Variants in SLCO1A2 observed in about 807,000 individuals in gnomAD.
SLCO1A2 encodes the protein solute carrier organic anion transporter family member 1A2.
SLCO1A2 carries 67 observed loss-of-function variants against 69.0 expected under a neutral mutation model. That is an observed-to-expected ratio of 0.97 (90% confidence interval 0.80 to 1.19). The LOEUF is 1.19. SLCO1A2 is among the 50% of genes most tolerant of loss of function. The probability of loss-of-function intolerance (pLI) is 0.00; values close to 1 mark genes in which losing one functional copy is unlikely to be tolerated. For missense variants in SLCO1A2, 787 were observed against 793.7 expected (o/e 0.99, Z 0.10); for synonymous variants, 260 against 265.9 (o/e 0.98, Z 0.22).
chr12:21,269,886 A>G (rs1023687624), intron 14 of SLCO1A2, 119 bp from the exon 15 acceptor site: 1 of 605,160 alleles, frequency 1.7e-6, no homozygotes, highest in African/African-American at 1.9e-5. Context: ...TTGCATGCTG[A>G]TCTTATATAA....
rs1942057903 is a variant in SLCO1A2 at position 21,266,283 on chromosome 12, A to G, written c.*3265T>C. 6.6e-6 allele frequency: 1 copy of G among 152,048 alleles called. No individual in the cohort carries two copies. The highest frequency in any genetic ancestry group is 1.5e-5 in the Non-Finnish European group (1 of 67,996). The allele number at this position is 152,048 out of a possible 1,614,324, so 9.4% of individuals were successfully genotyped here. ...TTAGTACAGACATAAGAGAATTTCC[A>G]CGGAAAATCCCACTTCAGACTCTAC... On this transcript the variant is annotated 3_prime_UTR_variant, in exon 15 of 15. Coordinates refer to ENST00000683939, the MANE Select transcript of SLCO1A2 (RefSeq NM_001386879.1).
At chr12:21,410,621 G>A (rs1023804834) in intron 1 of SLCO1A2, among the ~76,000 whole-genome samples, 2 of 152,150 alleles carry the variant, frequency 1.3e-5, no homozygotes, top group African/African-American at 2.4e-5. Context: ...GAATAGACTT[G>A]CCTGTGAAAT....
At chr12:21,302,724 T>C (rs950230956) in intron 6 of SLCO1A2, among the ~76,000 whole-genome samples, 2 of 152,050 alleles carry the variant, frequency 1.3e-5, no homozygotes, top group African/African-American at 4.8e-5. Flanking sequence ...ACCTGGCCAA[T>C]TTTTGTACTT....
At chr12:21,353,304 T>A (rs1279861626) in intron 2 of SLCO1A2, among the ~76,000 whole-genome samples, 1 of 151,992 alleles carries the variant, frequency 6.6e-6, no homozygotes, top group Admixed American at 6.6e-5. Context: ...AAAATGTTCC[T>A]AAATATGGAG....
At chr12:21,292,140 T>A in intron 12 of SLCO1A2, 24 bp downstream of exon 12, 1 of 1,498,164 alleles carries the variant, frequency 6.7e-7, no homozygotes, top group Non-Finnish European at 8.9e-7. Context: ...CAAAAAAATA[T>A]AAATAAAGAA....
intron 13 of SLCO1A2, 21 bp downstream of exon 13, chr12:21,275,339 G>A: frequency 3.9e-6 from 6 of 1,533,946 alleles, no homozygotes; most frequent in Non-Finnish European, 5.3e-6. Flanking sequence ...ATAGGATGTG[G>A]GAAAAAATAA....
chr12:21,284,818 G>C (rs1257315501), intron 12 of SLCO1A2, among the ~76,000 whole-genome samples: 14 of 82,786 alleles, frequency 1.7e-4, no homozygotes, highest in Admixed American at 1.3e-3. Context: ...CGAGAACAAA[G>C]ACACAACATA....
At chr12:21,273,295 TGA>T (rs58923303) in intron 14 of SLCO1A2, among the ~76,000 whole-genome samples, 7,191 of 144,576 alleles carry the variant, frequency 0.05, 558 homozygotes, top group African/African-American at 0.16. Context: ...CCTCTGTCCT[TGA>T]GAGAGACACT....
intron 1 of SLCO1A2, among the ~76,000 whole-genome samples, chr12:21,394,523 CAGAG>C (rs945904824): frequency 2.0e-5 from 3 of 147,548 alleles, no homozygotes; most frequent in South Asian, 2.1e-4. Context: ...GCCTGGGTGA[CAGAG>C]AGAGACACTG....
chr12:21,327,478 ACCATC>A (rs1952324674), intron 2 of SLCO1A2, among the ~76,000 whole-genome samples: 1 of 152,020 alleles, frequency 6.6e-6, no homozygotes, highest in Non-Finnish European at 1.5e-5. Flanking sequence ...AACACTCAAC[ACCATC>A]CCATGAAAGC....
chr12:21,341,263 G>C (rs897663547), intron 2 of SLCO1A2, among the ~76,000 whole-genome samples: 2 of 151,860 alleles, frequency 1.3e-5, no homozygotes, highest in Non-Finnish European at 2.9e-5. Context: ...AACACTGGAG[G>C]ACCTAAACCA....
chr12:21,385,643 G>A (rs1415843837), intron 1 of SLCO1A2, among the ~76,000 whole-genome samples: 3 of 152,174 alleles, frequency 2.0e-5, no homozygotes, highest in African/African-American at 7.2e-5. Flanking sequence ...CTCTGGTTGG[G>A]CTTTGAGACC....
At chr12:21,375,509 T>C (rs1565522014) in intron 1 of SLCO1A2, among the ~76,000 whole-genome samples, 2 of 152,230 alleles carry the variant, frequency 1.3e-5, no homozygotes, top group African/African-American at 2.4e-5. Context: ...TTTTTCAATT[T>C]GTAAATGTAT....
intron 12 of SLCO1A2, among the ~76,000 whole-genome samples, chr12:21,291,378 TG>T (rs1946818317): frequency 6.6e-6 from 1 of 152,132 alleles, no homozygotes; most frequent in Non-Finnish European, 1.5e-5. Flanking sequence ...CTATGGTGAC[TG>T]GAAGTAGGGA....
chr12:21,274,810 G>A (rs1211199391), intron 13 of SLCO1A2: 25 of 702,764 alleles, frequency 3.6e-5, no homozygotes, highest in Non-Finnish European at 5.1e-5. Context: ...TATTAGTAGA[G>A]TAAAACATTG....
At chr12:21,317,650 G>A (rs566789834) in intron 3 of SLCO1A2, among the ~76,000 whole-genome samples, 1 of 152,314 alleles carries the variant, frequency 6.6e-6, no homozygotes, top group African/African-American at 2.4e-5. Flanking sequence ...TCAGCACACA[G>A]GTGATACAGG....
chr12:21,417,220 C>T (rs1942002763), intron 1 of SLCO1A2, among the ~76,000 whole-genome samples: 1 of 151,292 alleles, frequency 6.6e-6, no homozygotes, highest in Non-Finnish European at 1.5e-5. Flanking sequence ...AAAAGTTGTA[C>T]AAGAAATGTA....
Position 21,304,410 on chromosome 12 carries a change from T to G in SLCO1A2, c.589+17A>C, listed in dbSNP as rs1317423378. On this transcript the variant is annotated intron_variant, in intron 6 of 14. Coordinates refer to ENST00000683939, the MANE Select transcript of SLCO1A2 (RefSeq NM_001386879.1). ...ATATTGCCCTGAAAAGAAGCTAAGG[T>G]AGATTTCCATACTTACCAATATATA... 6.3e-6 allele frequency: 10 copies of G among 1,585,782 alleles called. No individual in the cohort carries two copies. The highest frequency in any genetic ancestry group is 1.7e-4 in the Middle Eastern group (1 of 5,836).
At chr12:21,332,520 A>G (rs1253846023) in intron 2 of SLCO1A2, among the ~76,000 whole-genome samples, 1 of 152,094 alleles carries the variant, frequency 6.6e-6, no homozygotes, top group Non-Finnish European at 1.5e-5. Context: ...GGGTATAAAG[A>G]GGCATGTCCA....
Sources: allele counts gnomAD v4.1 joint callset (sites outside exome capture counted in the v4.1 genomes callset), GRCh38; gene constraint gnomAD v4.1.1; transcripts MANE v1.5; gene names NCBI Gene and HGNC (gene_info 2026-07-23, HGNC 2026-07-21).